SNUPN: variants seen among roughly 807,000 people sequenced by gnomAD.
SNUPN encodes snurportin-1.
A neutral mutation model predicts 39.2 loss-of-function variants in SNUPN; 31 were observed. The observed-to-expected ratio is 0.79, with a 90% CI of 0.59 to 1.07. SNUPN has a LOEUF of 1.07. Among genes scored for constraint, SNUPN ranks in the 50% least tolerant of loss-of-function variants. SNUPN has a pLI of 0.00. For synonymous variants in SNUPN, 132 were observed against 159.0 expected, an observed-to-expected ratio of 0.83 and a Z score of 1.28; for missense variants, 382 against 434.2, an observed-to-expected ratio of 0.88 and a Z score of 1.07.
intron 3 of SNUPN, among the ~76,000 whole-genome samples, chr15:75,612,387 C>T (rs551973948): frequency 1.8e-4 from 27 of 152,232 alleles, no homozygotes; most frequent in South Asian, 8.3e-4. Flanking sequence ...CGTAATGCTA[C>T]CAGCCACATC....
intron 8 of SNUPN, 49 bp from the exon 9 acceptor site, chr15:75,598,730 G>T: frequency 6.9e-7 from 1 of 1,448,850 alleles, no homozygotes; most frequent in Non-Finnish European, 9.4e-7. Context: ...GGGGCCACAT[G>T]TTTCCAGGAG....
Position 75,617,520 on chromosome 15 carries a change from C to A in SNUPN, c.191G>T (p.Arg64Ile), listed in dbSNP as rs763949451. ...KRLDYVNHAR[R>I]LAEDDWTGME... ...CCCTGTCCAGTCATCTTCAGCCAGTCTTCTGGCATGGTTCACATAATCCAG... is the reference window on the plus strand; with the variant it reads ...CCCTGTCCAGTCATCTTCAGCCAGTATTCTGGCATGGTTCACATAATCCAG... Residue 64 changes from arginine to isoleucine, a missense_variant, in exon 3 of 9, where the codon AGA (arginine) becomes ATA (isoleucine). By Grantham distance (97) the Arg-to-Ile change is moderately conservative. Transcript: ENST00000308588. 6 of 1,613,774 alleles carry A rather than the reference C, an allele frequency of 3.7e-6. No individual in the cohort carries two copies. Among genetic ancestry groups the A allele is most frequent in the Non-Finnish European group, 5.1e-6 (6 of 1,179,974 alleles).
rs547551962 is a variant in SNUPN, at chr15:75,621,574, T to C, written c.-5-518A>G. Among the ~76,000 whole-genome samples, 9 of 152,244 alleles carry C rather than the reference T, an allele frequency of 5.9e-5. No homozygotes were observed. The South Asian group carries it at 1.9e-3, about 32-fold the overall frequency. ...ACTGCGCCCGGCCTTTTCTGAGCAGTTCCTCTACAGTTTCCTGAATAGCCA... is the reference window on the plus strand; with the variant it reads ...ACTGCGCCCGGCCTTTTCTGAGCAGCTCCTCTACAGTTTCCTGAATAGCCA... On this transcript the variant is annotated intron_variant, in intron 1 of 8. Coordinates refer to ENST00000308588, the MANE Select transcript of SNUPN (RefSeq NM_005701.4).
At chr15:75,608,961 G>A (rs1281166889) in intron 5 of SNUPN, among the ~76,000 whole-genome samples, 10 of 151,918 alleles carry the variant, frequency 6.6e-5, no homozygotes. Context: ...CCAAAATGGT[G>A]AAATCCAGTC....
At chr15:75,605,426 A>G in intron 6 of SNUPN, 199 bp from the exon 7 acceptor site, 1 of 390,678 alleles carries the variant, frequency 2.6e-6, no homozygotes, top group Non-Finnish European at 4.7e-6. Context: ...CCTGCCTCCC[A>G]AGTAGCTGGG....
In SNUPN at chr15:75,598,311, T is replaced by C. The variant is rs754426516; in HGVS notation, c.*47A>G. The stretch of plus-strand genomic sequence containing the variant: ...CACTGTCCTCCTCTCCAGGATTCCT[T>C]TTGGGGCCAGGTACCATCCTGTGGC... On this transcript the variant is annotated 3_prime_UTR_variant, in exon 9 of 9. Transcript: ENST00000308588. The C allele has an allele frequency of 1.6e-5, 24 of 1,494,424 alleles. No homozygotes were observed. The highest frequency in any genetic ancestry group is 2.1e-5 in the Non-Finnish European group (23 of 1,097,142). The allele number at this position is 1,494,424 out of a possible 1,614,324, so 92.6% of individuals were successfully genotyped here.
intron 5 of SNUPN, 126 bp from the exon 6 acceptor site, chr15:75,607,439 G>A: frequency 1.5e-6 from 1 of 677,570 alleles, no homozygotes; most frequent in Admixed American, 2.2e-5. Context: ...AGCAGTCACT[G>A]GCACTAAGGA....
chr15:75,608,103 A>G (rs1892678888), intron 5 of SNUPN, among the ~76,000 whole-genome samples: 1 of 152,202 alleles, frequency 6.6e-6, no homozygotes, highest in South Asian at 2.1e-4. Context: ...GAGCAAGGCC[A>G]GGTGCAGTGG....
intron 1 of SNUPN, chr15:75,622,593 G>T: frequency 1.5e-6 from 1 of 665,264 alleles, no homozygotes; most frequent in Non-Finnish European, 1.9e-6. Flanking sequence ...AATCTGACTT[G>T]CACTGCTGGG....
At chr15:75,610,896 G>A (rs1892760977) in intron 3 of SNUPN, among the ~76,000 whole-genome samples, 2 of 152,192 alleles carry the variant, frequency 1.3e-5, no homozygotes, top group South Asian at 2.1e-4. Flanking sequence ...TGGGCTGGGC[G>A]AGGTGGCTCA....
chr15:75,612,624 C>T (rs889502361), intron 3 of SNUPN, among the ~76,000 whole-genome samples: 7 of 152,050 alleles, frequency 4.6e-5, no homozygotes, highest in African/African-American at 1.7e-4. Context: ...TTCCTCCACA[C>T]TCATCTATAT....
intron 2 of SNUPN, among the ~76,000 whole-genome samples, chr15:75,619,324 A>G (rs1336783981): frequency 6.6e-6 from 1 of 151,880 alleles, no homozygotes; most frequent in South Asian, 2.1e-4. Flanking sequence ...ACTACCACAC[A>G]CACTTGCTCA....
At chr15:75,602,203 G>A (rs919333106) in intron 7 of SNUPN, among the ~76,000 whole-genome samples, 7 of 151,988 alleles carry the variant, frequency 4.6e-5, no homozygotes, top group East Asian at 1.9e-4. Context: ...GCGAGACTCC[G>A]TCTCTAAAAA....
chr15:75,619,323 C>T (rs1433177166), intron 2 of SNUPN, among the ~76,000 whole-genome samples: 2 of 151,576 alleles, frequency 1.3e-5, no homozygotes, highest in African/African-American at 4.8e-5. Flanking sequence ...TACTACCACA[C>T]ACACTTGCTC....
chr15:75,624,833 C>T (rs1893178009), intron 1 of SNUPN: 1 of 749,258 alleles, frequency 1.3e-6, no homozygotes, highest in Admixed American at 2.9e-5. Flanking sequence ...AGTGCAGTGG[C>T]ATGATCTCGG....
At chr15:75,624,219 G>T (rs1422224360) in intron 1 of SNUPN, among the ~76,000 whole-genome samples, 1 of 150,296 alleles carries the variant, frequency 6.7e-6, no homozygotes, top group Non-Finnish European at 1.5e-5. Context: ...GAGCCACCGC[G>T]CCCGGCCGAT....
chr15:75,607,093 C>A (rs1044274865), intron 6 of SNUPN, 123 bp downstream of exon 6: 1 of 741,384 alleles, frequency 1.3e-6, no homozygotes, highest in Non-Finnish European at 2.5e-6. Flanking sequence ...AGATAATGTT[C>A]TTGATATACC....
intron 8 of SNUPN, chr15:75,600,930 C>T (rs1406650639): frequency 2.0e-6 from 1 of 494,590 alleles, no homozygotes; most frequent in African/African-American, 2.0e-5. Flanking sequence ...CCATTAAGGG[C>T]CCTTCCAGTG....
At chr15:75,610,127 G>T (rs1421904500) in intron 3 of SNUPN, 133 bp from the exon 4 acceptor site, 1 of 709,548 alleles carries the variant, frequency 1.4e-6, no homozygotes, top group Non-Finnish European at 2.4e-6. Flanking sequence ...GCCGGGCACG[G>T]GGGCTCATGC....
Sources: gnomAD v4.1 joint callset for allele counts (sites outside exome capture counted in the v4.1 genomes callset) on GRCh38, gnomAD v4.1.1 for gene constraint, MANE v1.5 for transcripts, NCBI Gene and HGNC (gene_info 2026-07-23, HGNC 2026-07-21) for gene names.